ATP2A3: variants seen among roughly 807,000 people sequenced by gnomAD.
The protein encoded by ATP2A3 is sarcoplasmic/endoplasmic reticulum calcium ATPase 3.
A neutral mutation model predicts 106.8 loss-of-function variants in ATP2A3; 61 were observed. The observed-to-expected ratio is 0.57, with a 90% confidence interval of 0.46 to 0.71. ATP2A3 has a LOEUF of 0.71. ATP2A3 is among the 30% of genes least tolerant of loss of function. ATP2A3 has a pLI of 0.00. For synonymous variants in ATP2A3, 611 were observed against 609.3 expected (o/e 1.00, Z -0.04); for missense variants, 1,201 against 1,423.5 (o/e 0.84, Z 2.52).
In ATP2A3 at chr17:3,928,973, A is replaced by G. The variant is rs2144225328; in HGVS notation, c.2863-193T>C. Among the ~76,000 whole-genome samples, 1 of 136,058 alleles carries G rather than the reference A, an allele frequency of 7.3e-6. No individual in the cohort carries two copies. The highest frequency in any genetic ancestry group is 2.9e-5 in the African/African-American group (1 of 34,688). The allele number at this position is 136,058 out of a possible 152,430, so 89.3% of individuals were successfully genotyped here. On this transcript the variant is annotated intron_variant, in intron 19 of 20. Transcript: ENST00000397041. This position sits in a 1 kb window ranked among gnomAD's most constrained non-coding sequence, Gnocchi z 6.1. ...CTTTGTCTGTTCAGCTGCACCCCCC[A>G]ATCTTTGTCCGCTCAGCTTCCTCTG...
rs1212172283 is a variant in ATP2A3 at position 3,942,505 on chromosome 17, AC to A, written c.1545+100del. On this transcript the variant is annotated intron_variant, in intron 12 of 20. Transcript: ENST00000397041. ...GGGGCTCCTGAGAACTTGTAACCCAACCCTGCCATTCACACGGGAGGACTGG... is the reference window on the plus strand; with the variant it reads ...GGGGCTCCTGAGAACTTGTAACCCAACCTGCCATTCACACGGGAGGACTGG... The A allele has an allele frequency of 1.6e-5, 24 of 1,510,572 alleles. No homozygotes were observed. The East Asian group carries it at 3.8e-4, about 24-fold the overall frequency. The allele number at this position is 1,510,572 out of a possible 1,614,324, so 93.6% of individuals were successfully genotyped here. A position where few individuals can be genotyped will look rare whatever the true frequency, so the allele number is the denominator to read the frequency against.
chr17:3,934,010 G>A lies in ATP2A3; in HGVS notation c.2610+1182C>T, dbSNP rs1433423783. Among the ~76,000 whole-genome samples, 107 of 150,762 alleles carry A rather than the reference G, an allele frequency of 7.1e-4. 4 individuals carry two copies. The highest frequency in any genetic ancestry group is 2.4e-3 in the African/African-American group (97 of 40,514). ...GCGATCTCAGCTCACTGCAACTTCCGCCTCTCGGGTTCAAGCGATTCTCCT... is the reference window on the plus strand; with the variant it reads ...GCGATCTCAGCTCACTGCAACTTCCACCTCTCGGGTTCAAGCGATTCTCCT... On this transcript the variant is annotated intron_variant, in intron 17 of 20. Transcript: ENST00000397041.
chr17:3,936,345 T>C lies in ATP2A3; in HGVS notation c.2446A>G (p.Ile816Val). Residue 816 changes from isoleucine (I) to valine (V), a missense_variant, in exon 16 of 21, where the codon ATC becomes GTC. By Grantham distance (29) the Ile-to-Val change is conservative. Transcript: ENST00000397041. The surrounding 1 kb of genome is among the most constrained non-coding windows in gnomAD (Gnocchi z 5.4). ...GGGCTCCGGGGCAGCTTCTCCATGATGTCCAGGTCTGGCGGGTTGAAGCCC... is the reference window on the plus strand; with the variant it reads ...GGGCTCCGGGGCAGCTTCTCCATGACGTCCAGGTCTGGCGGGTTGAAGCCC... ...ALGFNPPDLD[I>V]MEKLPRSPRE... The C allele has an allele frequency of 1.2e-6, 2 of 1,614,064 alleles. No individual in the cohort carries two copies. Among genetic ancestry groups the C allele is most frequent in the Non-Finnish European group, 1.7e-6 (2 of 1,180,014 alleles).
Position 3,951,390 on chromosome 17 carries a change from C to T in ATP2A3, c.325-1G>A, listed in dbSNP as rs760801035. Reference sequence around the variant, plus strand: ...CGATGGCACTCTCGGCGTTGCGTTCCTGCAGAATAGAAGGCCGGCAGGCAG... The same window carrying T: ...CGATGGCACTCTCGGCGTTGCGTTCTTGCAGAATAGAAGGCCGGCAGGCAG... On this transcript the variant is annotated splice_acceptor_variant, in intron 4 of 20. Transcript: ENST00000397041. LOFTEE classifies it high-confidence loss of function. 1 of 1,613,732 alleles carries T rather than the reference C, an allele frequency of 6.2e-7. No homozygotes were observed. Among genetic ancestry groups the T allele is most frequent in the Non-Finnish European group, 8.5e-7 (1 of 1,180,020 alleles).
chr17:3,958,781 CATATATATACACAT>C (rs2054944862), intron 1 of ATP2A3, among the ~76,000 whole-genome samples: 3 of 62,192 alleles, frequency 4.8e-5, no homozygotes, highest in East Asian at 6.8e-4. Context: ...TATACACACA[CATATATATACACAT>C]ATATATACAC....
Position 3,929,407 on chromosome 17 carries a change from C to A in ATP2A3, c.2783G>T (p.Trp928Leu). The A allele has an allele frequency of 6.3e-7, 1 of 1,591,330 alleles. No individual in the cohort carries two copies. The highest frequency in any genetic ancestry group is 2.3e-5 in the East Asian group (1 of 43,606). The change falls in exon 19 of 21, where the codon TGG (tryptophan) becomes TTG (leucine). Residue 928 changes from tryptophan to leucine, a missense_variant. Around this residue, in one of 2 missense-constraint regions of ATP2A3, gnomAD observed 935 missense variants for 1,176.7 expected, o/e 0.79. Coordinates refer to ENST00000397041, the MANE Select transcript of ATP2A3 (RefSeq NM_005173.4). The surrounding 1 kb of genome is among the most constrained non-coding windows in gnomAD (Gnocchi z 4.3). ...ENQSLLRMPP[W>L]MNPWLLVAVA... ...AGCCACCAGCAGCCAGGGGTTCATC[C>A]AGGGCGGCATCCGCAGCAGCGACTG... is the stretch of plus-strand genomic sequence containing the variant.
chr17:3,931,768 G>A lies in ATP2A3; in HGVS notation c.2611-1334C>T, dbSNP rs186322418. Among the ~76,000 whole-genome samples, 267 of 152,272 alleles carry A rather than the reference G, an allele frequency of 1.8e-3. 8 individuals carry two copies. The East Asian group carries it at 0.044, about 25-fold the overall frequency. The stretch of plus-strand genomic sequence containing the variant: ...GAACTCCTGACCTCGTGATCCGCCC[G>A]CCTTGGCCTCCCAAAGTGCTGGGAT... On this transcript the variant is annotated intron_variant, in intron 17 of 20. Transcript: ENST00000397041.
At chr17:3,958,498 C>A (rs1053892010) in intron 1 of ATP2A3, among the ~76,000 whole-genome samples, 2 of 151,956 alleles carry the variant, frequency 1.3e-5, no homozygotes, top group Non-Finnish European at 2.9e-5. Flanking sequence ...GGCTTCAGGG[C>A]CTTCCTGGAT....
In ATP2A3 at chr17:3,958,803, CACACATATATATAT is replaced by C. The variant is rs1447439131; in HGVS notation, c.119-5107_119-5094del. On this transcript the variant is annotated intron_variant, in intron 1 of 20. Coordinates refer to ENST00000397041, the MANE Select transcript of ATP2A3 (RefSeq NM_005173.4). The stretch of plus-strand genomic sequence containing the variant: ...ACACATATATATACACATATATATA[CACACATATATATAT>C]ACACACATATATATACACACACACA... 3.4e-5 allele frequency among the ~76,000 whole-genome samples: 4 copies of C among 116,096 alleles called. No homozygotes were observed. In the East Asian group the frequency reaches 6.4e-4, roughly 19 times the overall value. 76.2% of individuals were successfully genotyped at this position (116,096 alleles called of 152,430 possible).
rs1384430638 is a variant in ATP2A3 at position 3,930,919 on chromosome 17, T to C, written c.2611-485A>G. 5 of 267,446 alleles carry C rather than the reference T, an allele frequency of 1.9e-5. No individual in the cohort carries two copies. Among genetic ancestry groups the C allele is most frequent in the Non-Finnish European group, 3.0e-5 (4 of 135,102 alleles). The allele number at this position is 267,446 out of a possible 1,614,324, so 16.6% of individuals were successfully genotyped here. A position where few individuals can be genotyped will look rare whatever the true frequency, so the allele number is the denominator to read the frequency against. On this transcript the variant is annotated intron_variant, in intron 17 of 20. Coordinates refer to ENST00000397041, the MANE Select transcript of ATP2A3 (RefSeq NM_005173.4). The surrounding 1 kb of genome is among the most constrained non-coding windows in gnomAD (Gnocchi z 5.4). ...TCCCAGGGAGGCGGAGGCGGGTGGA[T>C]CACCTGAGGTCAGGAGTTTGGGACC...
At chr17:3,952,021 G>C (rs1242032921) in intron 3 of ATP2A3, among the ~76,000 whole-genome samples, 1 of 152,096 alleles carries the variant, frequency 6.6e-6, no homozygotes, top group Non-Finnish European at 1.5e-5. Flanking sequence ...GTTGATCTTG[G>C]GGTCCCTCCC....
chr17:3,945,510 G>A (rs2054065388), intron 8 of ATP2A3: 1 of 202,298 alleles, frequency 4.9e-6, no homozygotes, highest in Non-Finnish European at 1.0e-5. Context: ...CTGAGCCTCA[G>A]TTTCTCCACT....
intron 17 of ATP2A3, among the ~76,000 whole-genome samples, chr17:3,933,486 C>T (rs2053237005): frequency 6.6e-6 from 1 of 151,152 alleles, no homozygotes; most frequent in African/African-American, 2.5e-5. Context: ...GCCTGTGATC[C>T]CAGCACTTTG....
At chr17:3,950,868 C>A (rs2054378992) in intron 5 of ATP2A3, 95 bp from the exon 6 acceptor site, 1 of 1,225,776 alleles carries the variant, frequency 8.2e-7, no homozygotes. Context: ...TGGGGCTGGG[C>A]GTCGGGTGCC....
chr17:3,931,043 G>C (rs1157471722), intron 17 of ATP2A3, among the ~76,000 whole-genome samples: 1 of 152,012 alleles, frequency 6.6e-6, no homozygotes, highest in East Asian at 1.9e-4. Context: ...GGGAGGCTGA[G>C]GCAGGACAAT....
intron 7 of ATP2A3, among the ~76,000 whole-genome samples, chr17:3,949,820 A>G (rs2054313736): frequency 6.6e-6 from 1 of 152,186 alleles, no homozygotes; most frequent in African/African-American, 2.4e-5. Flanking sequence ...ATTTGCATGT[A>G]TTGTCAAGAA....
rs1426695280 is a variant in ATP2A3, at chr17:3,930,151, C to T, written c.2744+150G>A. ...TGACCCTCAGACACTGATACTGGAA[C>T]CCCCAGCCCTCAGCCCCCACTCCTC... is the stretch of plus-strand genomic sequence containing the variant. On this transcript the variant is annotated intron_variant, in intron 18 of 20. Coordinates refer to ENST00000397041, the MANE Select transcript of ATP2A3 (RefSeq NM_005173.4). The surrounding 1 kb of genome is among the most constrained non-coding windows in gnomAD (Gnocchi z 5.4). 5.6e-6 allele frequency: 7 copies of T among 1,240,368 alleles called. No homozygotes were observed. Among genetic ancestry groups the T allele is most frequent in the Non-Finnish European group, 7.8e-6 (7 of 902,770 alleles). 76.8% of individuals were successfully genotyped at this position (1,240,368 alleles called of 1,614,324 possible). A position where few individuals can be genotyped will look rare whatever the true frequency, so the allele number is the denominator to read the frequency against.
At chr17:3,952,185 A>G (rs746060582) in intron 3 of ATP2A3, among the ~76,000 whole-genome samples, 10 of 152,126 alleles carry the variant, frequency 6.6e-5, no homozygotes, top group Non-Finnish European at 1.2e-4. Flanking sequence ...CCCAGGTTCA[A>G]GCAATTCTCA....
intron 14 of ATP2A3, 61 bp downstream of exon 14, chr17:3,940,910 C>G: frequency 6.3e-7 from 1 of 1,586,736 alleles, no homozygotes; most frequent in East Asian, 2.2e-5. Context: ...ACGGCTTGCT[C>G]TTTTCACACC....
Sources: gnomAD v4.1 joint callset for allele counts (sites outside exome capture counted in the v4.1 genomes callset) on GRCh38, gnomAD v4.1.1 for gene constraint, gnomAD v4.1.1 regional missense constraint, Gnocchi (gnomAD v3.1) non-coding constraint, MANE v1.5 for transcripts, NCBI Gene and HGNC (gene_info 2026-07-23, HGNC 2026-07-21) for gene names.